Variants in CRADD observed in about 807,000 individuals in gnomAD.
CRADD encodes death domain-containing protein CRADD.
In CRADD, 9 loss-of-function variants were observed where a neutral mutation model predicts 15.5. The ratio of observed to expected loss-of-function variants is 0.58; its 90% CI spans 0.35 to 1.01. The LOEUF is 1.01. CRADD is among the 50% of genes least tolerant of loss of function. The pLI, the probability that CRADD is intolerant of heterozygous loss-of-function variation, is 0.02. For synonymous variants in CRADD, 118 were observed against 107.6 expected (o/e 1.10, Z -0.60); for missense variants, 227 against 250.3 (o/e 0.91, Z 0.63).
chr12:93,875,216 G>T (rs1355890056), intron 2 of CRADD, among the ~76,000 whole-genome samples: 1 of 151,582 alleles, frequency 6.6e-6, no homozygotes, highest in Non-Finnish European at 1.5e-5. Flanking sequence ...AAGCTATTTT[G>T]TCTGATGGCA....
At chr12:93,782,823 A>T (rs1957227066) in intron 2 of CRADD, among the ~76,000 whole-genome samples, 1 of 152,200 alleles carries the variant, frequency 6.6e-6, no homozygotes, top group Non-Finnish European at 1.5e-5. Flanking sequence ...AGCACTTATT[A>T]ATGAATTAAT....
chr12:93,726,570 G>A (rs1956371515), intron 2 of CRADD, among the ~76,000 whole-genome samples: 1 of 151,914 alleles, frequency 6.6e-6, no homozygotes, highest in Non-Finnish European at 1.5e-5. Flanking sequence ...CTACTTGGAG[G>A]GGTACATCTC....
chr12:93,726,098 T>G (rs897494112), intron 2 of CRADD, among the ~76,000 whole-genome samples: 2 of 135,600 alleles, frequency 1.5e-5, no homozygotes, highest in Admixed American at 7.0e-5. Context: ...AGTTTAGTTT[T>G]TTTTTTTTTT....
At chr12:93,765,147 T>C (rs1478172440) in intron 2 of CRADD, among the ~76,000 whole-genome samples, 1 of 152,296 alleles carries the variant, frequency 6.6e-6, no homozygotes, top group East Asian at 1.9e-4. Context: ...ATTTTTGACA[T>C]TATTAATGAA....
intron 2 of CRADD, among the ~76,000 whole-genome samples, chr12:93,734,905 C>T (rs568515560): frequency 1.3e-5 from 2 of 152,278 alleles, no homozygotes; most frequent in Admixed American, 6.5e-5. Context: ...CTAGGGGAGG[C>T]CTTCCTCATC....
At chr12:93,761,420 A>C (rs1206320145) in intron 2 of CRADD, among the ~76,000 whole-genome samples, 2 of 152,174 alleles carry the variant, frequency 1.3e-5, no homozygotes, top group African/African-American at 4.8e-5. Context: ...AGTGAGGACA[A>C]CTGGGAGAAG....
intron 2 of CRADD, among the ~76,000 whole-genome samples, chr12:93,838,564 C>T (rs76244265): frequency 1.7e-3 from 104 of 60,662 alleles, no homozygotes; most frequent in South Asian, 5.3e-3. Flanking sequence ...CTTTCTCTCT[C>T]TTTTTTTTTT....
intron 2 of CRADD, among the ~76,000 whole-genome samples, chr12:93,680,049 G>A (rs991097429): frequency 6.6e-6 from 1 of 152,154 alleles, no homozygotes; most frequent in African/African-American, 2.4e-5. Context: ...ATTGGAAGCT[G>A]GAGAAGAGAG....
At chr12:93,828,596 A>G (rs1440847324) in intron 2 of CRADD, among the ~76,000 whole-genome samples, 2 of 152,252 alleles carry the variant, frequency 1.3e-5, no homozygotes, top group Non-Finnish European at 2.9e-5. Context: ...TGAAGAAACT[A>G]TCCTTTCTCC....
chr12:93,852,670 G>A (rs1271410456), downstream of CRADD, among the ~76,000 whole-genome samples: 2 of 152,206 alleles, frequency 1.3e-5, no homozygotes, highest in African/African-American at 4.8e-5. Context: ...GGGAGGTGAA[G>A]AGCCTGCAGG....
At chr12:93,728,031 C>G (rs1278213693) in intron 2 of CRADD, among the ~76,000 whole-genome samples, 1 of 152,152 alleles carries the variant, frequency 6.6e-6, no homozygotes, top group Non-Finnish European at 1.5e-5. Context: ...TTTATCTGCC[C>G]CCTGGACTGT....
intron 2 of CRADD, among the ~76,000 whole-genome samples, chr12:93,813,687 G>C (rs781620867): frequency 1.3e-5 from 2 of 151,798 alleles, no homozygotes; most frequent in African/African-American, 2.4e-5. Flanking sequence ...CCAGCAACAA[G>C]GGACACCTGC....
intron 2 of CRADD, among the ~76,000 whole-genome samples, chr12:93,878,898 A>G (rs1329334863): frequency 6.6e-6 from 1 of 152,148 alleles, no homozygotes; most frequent in Non-Finnish European, 1.5e-5. Context: ...TTCTGATGAA[A>G]GTGTTTTTTT....
intron 2 of CRADD, among the ~76,000 whole-genome samples, chr12:93,702,000 C>A (rs1955852125): frequency 6.6e-6 from 1 of 151,182 alleles, no homozygotes; most frequent in Non-Finnish European, 1.5e-5. Context: ...TTGTGATGAT[C>A]TTTCTCCATG....
chr12:93,775,511 A>T (rs1191147461), intron 2 of CRADD, among the ~76,000 whole-genome samples: 1 of 152,198 alleles, frequency 6.6e-6, no homozygotes, highest in Non-Finnish European at 1.5e-5. Flanking sequence ...TCTCAAGTAT[A>T]GTTACTAAAT....
intron 2 of CRADD, among the ~76,000 whole-genome samples, chr12:93,790,933 A>ACACACACACACG (rs1957342198): frequency 6.6e-6 from 1 of 151,778 alleles, no homozygotes; most frequent in Non-Finnish European, 1.5e-5. Context: ...ACACACACAC[A>ACACACACACACG]CACACACTCT....
intron 2 of CRADD, among the ~76,000 whole-genome samples, chr12:93,791,332 A>T (rs1957347023): frequency 6.6e-6 from 1 of 152,114 alleles, no homozygotes; most frequent in African/African-American, 2.4e-5. Context: ...ATGGAATACT[A>T]TTCAGCCTTG....
chr12:93,794,051 G>A (rs1255337992), intron 2 of CRADD, among the ~76,000 whole-genome samples: 1 of 152,094 alleles, frequency 6.6e-6, no homozygotes, highest in East Asian at 1.9e-4. Flanking sequence ...TCTCTCTTAT[G>A]TTACTTGACT....
chr12:93,682,599 G>A (rs1955338987), intron 2 of CRADD, among the ~76,000 whole-genome samples: 1 of 152,078 alleles, frequency 6.6e-6, no homozygotes, highest in Admixed American at 6.5e-5. Flanking sequence ...TAAATTTTGA[G>A]CTGTCTCAGA....
Sources: gnomAD v4.1 joint callset for allele counts (sites outside exome capture counted in the v4.1 genomes callset) on GRCh38, gnomAD v4.1.1 for gene constraint, MANE v1.5 for transcripts, NCBI Gene and HGNC (gene_info 2026-07-23, HGNC 2026-07-21) for gene names.